Variants in OR9Q1 observed in about 807,000 individuals in gnomAD.
OR9Q1 encodes the protein olfactory receptor family 9 subfamily Q member 1.
For missense variants in OR9Q1, 374 were observed against 378.8 expected (o/e 0.99, Z 0.11); for synonymous variants, 153 against 148.6 (o/e 1.03, Z -0.22).
At chr11:58,141,165 C>G (rs1256211630) in intron 2 of OR9Q1, among the ~76,000 whole-genome samples, 1 of 152,176 alleles carries the variant, frequency 6.6e-6, no homozygotes, top group South Asian at 2.1e-4. Flanking sequence ...CATCTGCAAA[C>G]AGGGACAATT....
chr11:58,066,579 C>A (rs751612081), intron 2 of OR9Q1, among the ~76,000 whole-genome samples: 1 of 152,122 alleles, frequency 6.6e-6, no homozygotes, highest in African/African-American at 2.4e-5. Flanking sequence ...TTTCTTATTT[C>A]CCTGGACCCC....
At chr11:58,081,281 T>C (rs1206516165) in intron 2 of OR9Q1, among the ~76,000 whole-genome samples, 1 of 152,216 alleles carries the variant, frequency 6.6e-6, no homozygotes, top group African/African-American at 2.4e-5. Flanking sequence ...TTAACATACA[T>C]GTGCATGTGT....
intron 2 of OR9Q1, chr11:58,109,494 G>A: frequency 2.2e-6 from 1 of 462,494 alleles, no homozygotes; most frequent in South Asian, 1.5e-5. Flanking sequence ...ACACGGGGGT[G>A]TGGAGTTGGG....
At chr11:58,109,140 G>T in intron 2 of OR9Q1, 1 of 504,760 alleles carries the variant, frequency 2.0e-6, no homozygotes, top group South Asian at 1.5e-5. Flanking sequence ...AGAAGAAGTT[G>T]ATCTGATTGT....
At chr11:58,035,642 G>A (rs1443766946) in intron 1 of OR9Q1, among the ~76,000 whole-genome samples, 1 of 152,244 alleles carries the variant, frequency 6.6e-6, no homozygotes, top group African/African-American at 2.4e-5. Flanking sequence ...TTTTCCTTAG[G>A]GGCCAGTAAT....
intron 1 of OR9Q1, among the ~76,000 whole-genome samples, chr11:58,037,448 A>G (rs1325678973): frequency 6.6e-6 from 1 of 151,844 alleles, no homozygotes; most frequent in African/African-American, 2.4e-5. Flanking sequence ...TGAACACAAA[A>G]TGAGTTAGAC....
In OR9Q1 at chr11:58,052,619, GA is replaced by G. The variant is rs201518399; in HGVS notation, c.-92-3235del. ...TAATAATAAAAAAAAAGAAAAAAAG[GA>G]AAAAAAAAAAAAAAAGAAACTACCA... On this transcript the variant is annotated intron_variant, in intron 1 of 2. Transcript: ENST00000335397. Among the ~76,000 whole-genome samples the G allele has an allele frequency of 6.3e-3, 318 of 50,262 alleles. 3 individuals are homozygous for G. Among genetic ancestry groups the G allele is most frequent in the African/African-American group, 0.021 (248 of 11,614 alleles). The allele number at this position is 50,262 out of a possible 152,430, so 33.0% of individuals were successfully genotyped here. A position where few individuals can be genotyped will look rare whatever the true frequency, so the allele number is the denominator to read the frequency against.
chr11:58,180,473 A>C lies in OR9Q1; in HGVS notation c.*96A>C, dbSNP rs540703124. The C allele has an allele frequency of 2.9e-5, 21 of 734,876 alleles. 1 individual carries two copies. The highest frequency in any genetic ancestry group is 2.1e-4 in the South Asian group (9 of 43,342). 45.5% of individuals were successfully genotyped at this position (734,876 alleles called of 1,614,324 possible). On this transcript the variant is annotated 3_prime_UTR_variant, in exon 3 of 3. Transcript: ENST00000335397. ...TATAGCATGCTCAATGTTTAAATGA[A>C]TATATTATGGTACTAGGTATAAAAA...
chr11:58,178,175 T>C (rs1036096493), intron 2 of OR9Q1, among the ~76,000 whole-genome samples: 2 of 152,140 alleles, frequency 1.3e-5, no homozygotes, highest in East Asian at 1.9e-4. Context: ...TTCCAACATG[T>C]GGAGGAGTCA....
At chr11:58,115,668 A>G (rs1039497394) in intron 2 of OR9Q1, among the ~76,000 whole-genome samples, 3 of 152,166 alleles carry the variant, frequency 2.0e-5, no homozygotes, top group Non-Finnish European at 4.4e-5. Context: ...ACTGTCTGAC[A>G]TGGGCGTCGA....
intron 2 of OR9Q1, among the ~76,000 whole-genome samples, chr11:58,148,723 T>C (rs918774739): frequency 6.6e-5 from 10 of 152,220 alleles, no homozygotes; most frequent in African/African-American, 2.4e-4. Flanking sequence ...TGCCTGATGC[T>C]GAATTCAAAC....
chr11:58,042,058 G>C (rs372731029), intron 1 of OR9Q1, among the ~76,000 whole-genome samples: 1 of 152,176 alleles, frequency 6.6e-6, no homozygotes, highest in South Asian at 2.1e-4. Flanking sequence ...TTTAGTTTAA[G>C]GAATGTTTAT....
At chr11:58,119,446 G>A (rs757076975) in intron 2 of OR9Q1, 3 of 1,571,928 alleles carry the variant, frequency 1.9e-6, no homozygotes, top group Non-Finnish European at 2.6e-6. Flanking sequence ...CTTGGCCATG[G>A]AGACAATGTG....
chr11:58,039,040 A>G lies in OR9Q1; in HGVS notation c.-93+14936A>G, dbSNP rs527348901. Among the ~76,000 whole-genome samples the G allele has an allele frequency of 1.4e-4, 22 of 152,128 alleles. No homozygotes were observed. In the South Asian group the frequency reaches 3.1e-3, roughly 22 times the overall value. On this transcript the variant is annotated intron_variant, in intron 1 of 2. Coordinates refer to ENST00000335397, the MANE Select transcript of OR9Q1 (RefSeq NM_001005212.4). ...GGTCTCACTCTGATGCCCAGGCTGGAGTGCAGTGGCACAATCTTGGCTCAC... is the reference window on the plus strand; with the variant it reads ...GGTCTCACTCTGATGCCCAGGCTGGGGTGCAGTGGCACAATCTTGGCTCAC...
intron 2 of OR9Q1, among the ~76,000 whole-genome samples, chr11:58,056,433 T>C (rs1270008220): frequency 6.6e-6 from 1 of 152,184 alleles, no homozygotes; most frequent in Admixed American, 6.5e-5. Context: ...CTGGCACCTG[T>C]TTTTCTGTGT....
chr11:58,052,984 C>G (rs1853281490), intron 1 of OR9Q1, among the ~76,000 whole-genome samples: 2 of 151,190 alleles, frequency 1.3e-5, no homozygotes, highest in African/African-American at 4.8e-5. Flanking sequence ...AATAGGAACA[C>G]TTTTACACTG....
chr11:58,061,599 T>A (rs1317649666), intron 2 of OR9Q1, among the ~76,000 whole-genome samples: 1 of 152,194 alleles, frequency 6.6e-6, no homozygotes, highest in Non-Finnish European at 1.5e-5. Flanking sequence ...TTCTAGCTCT[T>A]CGGCTTCCCA....
chr11:58,048,103 A>G (rs1489615393), intron 1 of OR9Q1, among the ~76,000 whole-genome samples: 1 of 152,182 alleles, frequency 6.6e-6, no homozygotes, highest in Non-Finnish European at 1.5e-5. Context: ...TGCTTCACAG[A>G]TAGGCTGGTC....
At chr11:58,127,806 A>AGAGAG (rs1854103565) in intron 2 of OR9Q1, among the ~76,000 whole-genome samples, 1 of 152,192 alleles carries the variant, frequency 6.6e-6, no homozygotes, top group Admixed American at 6.5e-5. Flanking sequence ...AGAGAAGTTA[A>AGAGAG]GAGAGGAAGA....
Sources: gnomAD v4.1 joint callset for allele counts (sites outside exome capture counted in the v4.1 genomes callset) on GRCh38, gnomAD v4.1.1 for gene constraint, MANE v1.5 for transcripts, NCBI Gene and HGNC (gene_info 2026-07-23, HGNC 2026-07-21) for gene names.